The following ASIP variants were observed in gnomAD, a reference collection of about 807,000 sequenced individuals.
ASIP encodes agouti-signaling protein.
In ASIP, 11 loss-of-function variants were observed where a neutral mutation model predicts 10.3. The observed-to-expected ratio is 1.07, with a 90% CI of 0.68 to 1.78. The LOEUF is 1.78. Among genes scored for constraint, ASIP ranks in the 40% most tolerant of loss-of-function variants. The pLI is 0.00. For synonymous variants in ASIP, 70 were observed against 70.8 expected, an observed-to-expected ratio of 0.99 and a Z score of 0.06; for missense variants, 180 against 169.2, an observed-to-expected ratio of 1.06 and a Z score of -0.35.
At chr20:34,197,019 A>T (rs2034862464) in intron 1 of ASIP, among the ~76,000 whole-genome samples, 1 of 150,692 alleles carries the variant, frequency 6.6e-6, no homozygotes, top group Non-Finnish European at 1.5e-5. Flanking sequence ...TCAAACCCAC[A>T]ATTTGAATCT....
At chr20:34,194,115 G>A (rs2034840341), upstream of ASIP, among the ~76,000 whole-genome samples, 1 of 152,138 alleles carries the variant, frequency 6.6e-6, no homozygotes, top group Non-Finnish European at 1.5e-5. Flanking sequence ...ATATACCAGT[G>A]GCAGCAGAGA....
intron 3 of ASIP, among the ~76,000 whole-genome samples, chr20:34,263,669 T>C (rs946216410): frequency 1.3e-5 from 2 of 151,572 alleles, no homozygotes; most frequent in Non-Finnish European, 2.9e-5. Flanking sequence ...GTCTTTTTTT[T>C]TTTTTCTTTT....
intron 1 of ASIP, among the ~76,000 whole-genome samples, chr20:34,248,566 G>A (rs2035418941): frequency 6.6e-6 from 1 of 152,184 alleles, no homozygotes; most frequent in Non-Finnish European, 1.5e-5. Context: ...ACTTTGGGAG[G>A]CCGAGGAGGC....
chr20:34,244,496 T>G (rs2035337517), intron 1 of ASIP, among the ~76,000 whole-genome samples: 1 of 152,204 alleles, frequency 6.6e-6, no homozygotes, highest in Admixed American at 6.5e-5. Context: ...ATTACCAAAA[T>G]GTTTCCAAGT....
intron 1 of ASIP, among the ~76,000 whole-genome samples, chr20:34,201,676 C>A (rs953576885): frequency 6.6e-6 from 1 of 152,188 alleles, no homozygotes; most frequent in Non-Finnish European, 1.5e-5. Flanking sequence ...TGGTTTGTCA[C>A]ACCAAAGAGG....
chr20:34,205,837 G>A (rs2034932969), intron 1 of ASIP, among the ~76,000 whole-genome samples: 2 of 151,144 alleles, frequency 1.3e-5, no homozygotes, highest in Admixed American at 1.3e-4. Flanking sequence ...GCGCTGATTG[G>A]TGCATTTACA....
chr20:34,268,833 G>A (rs1398002470), intron 3 of ASIP, among the ~76,000 whole-genome samples, 158 bp from the exon 4 acceptor site: 1 of 152,134 alleles, frequency 6.6e-6, no homozygotes, highest in Non-Finnish European at 1.5e-5. Flanking sequence ...GGATGGAGGT[G>A]AGGGAATCTG....
At chr20:34,204,010 C>T (rs1315351664) in intron 1 of ASIP, among the ~76,000 whole-genome samples, 2 of 152,192 alleles carry the variant, frequency 1.3e-5, no homozygotes, top group African/African-American at 2.4e-5. Flanking sequence ...AGGCGTGAGC[C>T]ACCACGCCCG....
At chr20:34,222,442 G>A (rs2035054005) in intron 1 of ASIP, among the ~76,000 whole-genome samples, 1 of 152,014 alleles carries the variant, frequency 6.6e-6, no homozygotes, top group African/African-American at 2.4e-5. Flanking sequence ...TTGCTTCGAG[G>A]GCCGTATTGA....
At chr20:34,218,377 ACTT>A (rs1177074962) in intron 1 of ASIP, among the ~76,000 whole-genome samples, 1 of 152,146 alleles carries the variant, frequency 6.6e-6, no homozygotes, top group African/African-American at 2.4e-5. Context: ...TACACCTACC[ACTT>A]CTTCACCACT....
At chr20:34,257,909 C>A (rs1409798323) in intron 1 of ASIP, among the ~76,000 whole-genome samples, 1 of 152,132 alleles carries the variant, frequency 6.6e-6, no homozygotes, top group African/African-American at 2.4e-5. Flanking sequence ...TTTGGGAAGC[C>A]AAGGCAGGCA....
chr20:34,258,760 G>GAT (rs1206861651), intron 1 of ASIP, among the ~76,000 whole-genome samples: 1 of 70,316 alleles, frequency 1.4e-5, no homozygotes, highest in Non-Finnish European at 2.7e-5. Context: ...TATAATATAT[G>GAT]ATATATATAA....
intron 3 of ASIP, among the ~76,000 whole-genome samples, chr20:34,268,689 G>A (rs2424989): frequency 0.13 from 19,602 of 151,374 alleles, 1,345 homozygotes; most frequent in East Asian, 0.21. Context: ...AGCCGAGATC[G>A]CGCCACTGCA....
chr20:34,234,514 T>C (rs1460618347), intron 1 of ASIP, among the ~76,000 whole-genome samples: 1 of 152,126 alleles, frequency 6.6e-6, no homozygotes, highest in African/African-American at 2.4e-5. Context: ...CCTTCCTTCC[T>C]TCCTTCCTTC....
intron 1 of ASIP, among the ~76,000 whole-genome samples, chr20:34,201,013 CTTCCTTCT>C (rs1164489111): frequency 2.5e-3 from 139 of 55,268 alleles, no homozygotes; most frequent in Middle Eastern, 8.3e-3. Context: ...TCCTTCCTTC[CTTCCTTCT>C]TTCTTTCTTT....
At chr20:34,210,910 A>G (rs1419503818) in intron 1 of ASIP, among the ~76,000 whole-genome samples, 1 of 152,216 alleles carries the variant, frequency 6.6e-6, no homozygotes, top group African/African-American at 2.4e-5. Context: ...CTATTTGGTC[A>G]TGGAGTATTA....
intron 1 of ASIP, among the ~76,000 whole-genome samples, chr20:34,258,807 GAT>G (rs961417904): frequency 2.3e-4 from 23 of 102,010 alleles, no homozygotes; most frequent in South Asian, 8.5e-4. Flanking sequence ...TATAATATAT[GAT>G]ATATATAATA....
At chr20:34,261,188 G>A (rs1300450739) in intron 2 of ASIP, among the ~76,000 whole-genome samples, 1 of 152,140 alleles carries the variant, frequency 6.6e-6, no homozygotes, top group Admixed American at 6.6e-5. Context: ...TACTACCTCG[G>A]CTTTTGCTAG....
At chr20:34,237,584 T>A (rs1050128230), upstream of ASIP, among the ~76,000 whole-genome samples, 1 of 152,252 alleles carries the variant, frequency 6.6e-6, no homozygotes, top group Non-Finnish European at 1.5e-5. Flanking sequence ...TTTAAGATCA[T>A]ATTATCTGTG....
Sources: allele counts gnomAD v4.1 joint callset (sites outside exome capture counted in the v4.1 genomes callset), GRCh38; gene constraint gnomAD v4.1.1; transcripts MANE v1.5; gene names NCBI Gene and HGNC (gene_info 2026-07-23, HGNC 2026-07-21).